Variants in PRPF8 observed in about 807,000 individuals in gnomAD.
The protein encoded by PRPF8 is pre-mRNA processing factor 8.
Under a neutral mutation model 285.9 loss-of-function variants are expected in PRPF8, and 64 were observed. That is an observed-to-expected ratio of 0.22 (90% confidence interval 0.18 to 0.28). PRPF8 has a LOEUF of 0.28. PRPF8 is among the 10% of genes least tolerant of loss of function. PRPF8 has a pLI of 1.00. For synonymous variants in PRPF8, 1,325 were observed against 1,118.2 expected, an observed-to-expected ratio of 1.18 and a Z score of -3.69; for missense variants, 1,426 against 3,026.7, an observed-to-expected ratio of 0.47 and a Z score of 12.41.
intron 8 of PRPF8, 159 bp downstream of exon 8, chr17:1,680,567 T>C (rs978120541): frequency 2.7e-6 from 2 of 741,136 alleles, no homozygotes; most frequent in Non-Finnish European, 4.8e-6. Context: ...TGACATGTTT[T>C]AAAGCAAATG....
chr17:1,666,019 T>G (rs1174945085), intron 24 of PRPF8, among the ~76,000 whole-genome samples: 1 of 150,776 alleles, frequency 6.6e-6, no homozygotes, highest in African/African-American at 2.4e-5. Flanking sequence ...AAAAAAATAT[T>G]AGCCGGGTGT....
intron 37 of PRPF8, chr17:1,654,555 A>C (rs1190367943): frequency 8.9e-6 from 2 of 224,772 alleles, no homozygotes; most frequent in South Asian, 7.0e-5. Flanking sequence ...GTCAGACTGA[A>C]GCCCTAAAAC....
chr17:1,653,741 C>A lies in PRPF8; in HGVS notation c.6227+36G>T. 6.2e-7 allele frequency: 1 copy of A among 1,614,118 alleles called. No individual in the cohort carries two copies. Among genetic ancestry groups the A allele is most frequent in the Non-Finnish European group, 8.5e-7 (1 of 1,180,004 alleles). ...AGCCCAGCACCTTAGGTAGTGCAGC[C>A]GGCCTTTCCATCCCCACCCTCTTGC... On this transcript the variant is annotated intron_variant, in intron 38 of 42. Transcript: ENST00000304992. The surrounding 1 kb of genome is among the most constrained non-coding windows in gnomAD (Gnocchi z 4.9).
In PRPF8 at chr17:1,655,519, G is replaced by A. The variant is rs1054998374; in HGVS notation, c.5818C>T (p.Leu1940=). ...TCGTTGTTCACATGTAGGGCACGCA[G>A]AATCAGGATGAGACGGGAGAAGGCC... is the stretch of plus-strand genomic sequence containing the variant. ...YTAFSRLILI[L]RALHVNNDRA... Residue 1940 remains leucine (L), a synonymous_variant, in exon 37 of 43, where the codon CTG becomes TTG. Coordinates refer to ENST00000304992, the MANE Select transcript of PRPF8 (RefSeq NM_006445.4). The A allele has an allele frequency of 1.1e-5, 18 of 1,613,832 alleles. No individual in the cohort carries two copies. Among genetic ancestry groups the A allele is most frequent in the Non-Finnish European group, 1.5e-5 (18 of 1,179,730 alleles).
chr17:1,673,559 G>C lies in PRPF8; in HGVS notation c.3455C>G (p.Ala1152Gly). The change falls in exon 23 of 43, where the codon GCG becomes GGG. Residue 1152 changes from alanine (A) to glycine (G), a missense_variant. Transcript: ENST00000304992. This position sits in a 1 kb window ranked among gnomAD's most constrained non-coding sequence, Gnocchi z 5.5. ...GCGGTTCTTGATGTCCCAGAATACC[G>C]CCCGGCCTCTGCCCACAGAGAACAC... The part of the protein sequence containing the change: ...LMKHDVNLGR[A>G]VFWDIKNRLP... The C allele has an allele frequency of 6.2e-7, 1 of 1,613,876 alleles. No individual in the cohort carries two copies. The highest frequency in any genetic ancestry group is 1.1e-5 in the South Asian group (1 of 91,072).
Position 1,659,472 on chromosome 17 carries a change from C to T in PRPF8, c.5023G>A (p.Asp1675Asn). The T allele has an allele frequency of 6.2e-7, 1 of 1,614,024 alleles. No individual in the cohort carries two copies. Among genetic ancestry groups the T allele is most frequent in the Non-Finnish European group, 8.5e-7 (1 of 1,180,016 alleles). ...QLRWGDYDSHDIERYARAKFL... is the reference protein window; with the variant it reads ...QLRWGDYDSHNIERYARAKFL... ...TTGGCCCGGGCGTAGCGCTCAATGT[C>T]GTGGGAATCATAGTCCCCCCAGCGC... is the stretch of plus-strand genomic sequence containing the variant. Residue 1675 changes from aspartate (D) to asparagine (N), a missense_variant, in exon 32 of 43, where the codon GAC (aspartate) becomes AAC (asparagine). Asp to Asn is a conservative substitution (Grantham distance 23, BLOSUM62 1). Around this residue, in one of 34 missense-constraint regions of PRPF8, gnomAD observed 74 missense variants for 161.8 expected, o/e 0.46. Transcript: ENST00000304992. This position sits in a 1 kb window ranked among gnomAD's most constrained non-coding sequence, Gnocchi z 5.1.
Position 1,679,000 on chromosome 17 carries a change from G to A in PRPF8, c.1599+17C>T. ...GTCCTTGAAGCCCAGGAGGCCCCTA[G>A]GGTCCAATGCAGGCACCTTGGTGGT... is the stretch of plus-strand genomic sequence containing the variant. On this transcript the variant is annotated intron_variant, in intron 11 of 42. Transcript: ENST00000304992. The A allele has an allele frequency of 6.2e-7, 1 of 1,613,936 alleles. No individual in the cohort carries two copies. The highest frequency in any genetic ancestry group is 2.2e-5 in the East Asian group (1 of 44,890).
Position 1,659,774 on chromosome 17 carries a change from G to A in PRPF8, c.4946+67C>T. ...GGCAGACAGGACAATTCCTAAAGTT[G>A]CAGGGCTAGAAGAACAGGAAAACGA... On this transcript the variant is annotated intron_variant, in intron 31 of 42. Transcript: ENST00000304992. This position sits in a 1 kb window ranked among gnomAD's most constrained non-coding sequence, Gnocchi z 5.1. The A allele has an allele frequency of 6.4e-7, 1 of 1,569,796 alleles. No homozygotes were observed. The highest frequency in any genetic ancestry group is 8.7e-7 in the Non-Finnish European group (1 of 1,144,388).
intron 14 of PRPF8, 143 bp downstream of exon 14, chr17:1,677,422 C>A: frequency 7.9e-7 from 1 of 1,270,304 alleles, no homozygotes; most frequent in Non-Finnish European, 1.1e-6. Context: ...AAATAGAATA[C>A]TAGGTCAGAC....
At position 1,684,704 on chromosome 17, in the gene PRPF8, C is replaced by T. The variant is rs545401974; in HGVS notation, c.-12+76G>A. The T allele has an allele frequency of 4.3e-5, 39 of 910,990 alleles. No homozygotes were observed. In the South Asian group the frequency reaches 5.6e-4, roughly 13 times the overall value. The allele number at this position is 910,990 out of a possible 1,614,324, so 56.4% of individuals were successfully genotyped here. A position where few individuals can be genotyped will look rare whatever the true frequency, so the allele number is the denominator to read the frequency against. On this transcript the variant is annotated intron_variant, in intron 1 of 42. Transcript: ENST00000304992. ...GCCACACAGTGCATCCAGCCCCGCC[C>T]GGCCTAACCCCTTCGGTCACTCGGC...
chr17:1,678,303 A>C (rs888228861), intron 13 of PRPF8: 2 of 574,202 alleles, frequency 3.5e-6, no homozygotes, highest in African/African-American at 3.8e-5. Flanking sequence ...CAACAGAGAA[A>C]GACTCAGTTT....
intron 24 of PRPF8, among the ~76,000 whole-genome samples, chr17:1,663,950 A>G (rs1911814545): frequency 6.6e-6 from 1 of 152,186 alleles, no homozygotes; most frequent in African/African-American, 2.4e-5. Flanking sequence ...AGAAGACCTA[A>G]TAATCCTAAA....
Position 1,676,032 on chromosome 17 carries a change from A to T in PRPF8, c.2575T>A (p.Ser859Thr). Reference sequence around the variant, plus strand: ...ATCAGACCTAGCTCCTCCCTCTGAGACTGGTTCAACCGAGACTTCACACTG... The same window carrying T: ...ATCAGACCTAGCTCCTCCCTCTGAGTCTGGTTCAACCGAGACTTCACACTG... Reference protein sequence around the residue: ...AYSVKSRLNQSQREELGLIEQ... With the variant: ...AYSVKSRLNQTQREELGLIEQ... The change falls in exon 18 of 43, where the codon TCT becomes ACT. Residue 859 changes from serine (S) to threonine (T), a missense_variant. By Grantham distance (58) the Ser-to-Thr change is moderately conservative. Transcript: ENST00000304992. The surrounding 1 kb of genome is among the most constrained non-coding windows in gnomAD (Gnocchi z 6.3). 1.9e-6 allele frequency: 3 copies of T among 1,613,416 alleles called. No individual in the cohort carries two copies. The highest frequency in any genetic ancestry group is 2.5e-6 in the Non-Finnish European group (3 of 1,180,010).
chr17:1,654,664 C>T (rs747265504), intron 37 of PRPF8: 2 of 174,552 alleles, frequency 1.1e-5, no homozygotes, highest in Non-Finnish European at 2.5e-5. Context: ...AAGAGTCTCG[C>T]TCTGTTACCC....
chr17:1,673,499 T>C lies in PRPF8; in HGVS notation c.3515A>G (p.Asn1172Ser). 6.2e-7 allele frequency: 1 copy of C among 1,614,162 alleles called. No homozygotes were observed. Among genetic ancestry groups the C allele is most frequent in the Non-Finnish European group, 8.5e-7 (1 of 1,180,024 alleles). Residue 1172 changes from asparagine (N) to serine (S), a missense_variant, in exon 23 of 43, where the codon AAC becomes AGC. Transcript: ENST00000304992. The surrounding 1 kb of genome is among the most constrained non-coding windows in gnomAD (Gnocchi z 5.5). ...CTTACTGTACACAGACACGAAGCTG[T>C]TCTCCCACTGAACTGTAGTCACTGA... Reference protein sequence around the residue: ...PRSVTTVQWENSFVSVYSKDN... With the variant: ...PRSVTTVQWESSFVSVYSKDN...
chr17:1,655,325 C>T, intron 37 of PRPF8, 25 bp downstream of exon 37: 7 of 1,612,248 alleles, frequency 4.3e-6, no homozygotes, highest in Non-Finnish European at 5.1e-6. Context: ...GACCTCCTGT[C>T]TGTGTCCCCA....
rs149826646 is a variant in PRPF8 at position 1,671,447 on chromosome 17, G to A, written c.3774+1634C>T. 5.1e-4 allele frequency among the ~76,000 whole-genome samples: 77 copies of A among 152,196 alleles called. 2 individuals are homozygous for A. Among genetic ancestry groups the A allele is most frequent in the South Asian group, 3.9e-3 (19 of 4,818 alleles). On this transcript the variant is annotated intron_variant, in intron 24 of 42. Coordinates refer to ENST00000304992, the MANE Select transcript of PRPF8 (RefSeq NM_006445.4). Reference sequence around the variant, plus strand: ...ATGAAAATATTTCAAGGCTGGGCACGGTGACTCACACCTATAATCCAGCAT... The same window carrying A: ...ATGAAAATATTTCAAGGCTGGGCACAGTGACTCACACCTATAATCCAGCAT...
chr17:1,652,189 C>T, intron 39 of PRPF8: 1 of 344,148 alleles, frequency 2.9e-6, no homozygotes, highest in Non-Finnish European at 5.6e-6. Flanking sequence ...TTACTATAAA[C>T]TCACCCACAC....
chr17:1,652,976 C>G (rs7503846), intron 39 of PRPF8: 23,909 of 177,864 alleles, frequency 0.13, 4,631 homozygotes, highest in African/African-American at 0.46. Flanking sequence ...CTCTGTTGCC[C>G]AGGCTGGAGT....
Sources: gnomAD v4.1 joint callset for allele counts (sites outside exome capture counted in the v4.1 genomes callset) on GRCh38, gnomAD v4.1.1 for gene constraint, gnomAD v4.1.1 regional missense constraint, Gnocchi (gnomAD v3.1) non-coding constraint, MANE v1.5 for transcripts, NCBI Gene and HGNC (gene_info 2026-07-23, HGNC 2026-07-21) for gene names.